FRMD4A: variants seen among roughly 807,000 people sequenced by gnomAD.
FRMD4A encodes FERM domain-containing protein 4A.
Under a neutral mutation model 129.1 loss-of-function variants are expected in FRMD4A, and 29 were observed. That is an observed-to-expected ratio of 0.22 (90% CI 0.17 to 0.31). FRMD4A has a LOEUF of 0.31. FRMD4A is among the 10% of genes least tolerant of loss of function. FRMD4A has a pLI of 1.00. For synonymous variants in FRMD4A, 634 were observed against 571.6 expected, an observed-to-expected ratio of 1.11 and a Z score of -1.56; for missense variants, 1,272 against 1,375.8, an observed-to-expected ratio of 0.92 and a Z score of 1.19.
intron 11 of FRMD4A, among the ~76,000 whole-genome samples, chr10:13,738,926 G>A (rs2090822880): frequency 6.6e-6 from 1 of 152,110 alleles, no homozygotes; most frequent in African/African-American, 2.4e-5. Context: ...TGCCCCCACT[G>A]TTTATTAACA....
At chr10:13,910,888 GAAAAAAAAAAA>G (rs141449954) in intron 2 of FRMD4A, among the ~76,000 whole-genome samples, 244 of 83,026 alleles carry the variant, frequency 2.9e-3, no homozygotes, top group African/African-American at 0.011. Context: ...GGAGTTTCAT[GAAAAAAAAAAA>G]AAAAAAAAAA....
intron 3 of FRMD4A, among the ~76,000 whole-genome samples, chr10:13,819,677 C>A (rs2093599809): frequency 6.7e-6 from 1 of 150,298 alleles, no homozygotes; most frequent in Non-Finnish European, 1.5e-5. Context: ...CTGGTGGGCT[C>A]TAAGTGCCAT....
chr10:14,220,417 G>C (rs1230549703), intron 2 of FRMD4A, among the ~76,000 whole-genome samples: 2 of 152,222 alleles, frequency 1.3e-5, no homozygotes, highest in African/African-American at 4.8e-5. Context: ...AGGTGAGTTT[G>C]ACTTTTAGGG....
intron 19 of FRMD4A, among the ~76,000 whole-genome samples, chr10:13,660,976 A>C (rs1008755896): frequency 1.3e-5 from 2 of 152,140 alleles, no homozygotes; most frequent in Non-Finnish European, 2.9e-5. Flanking sequence ...TGTCTGTTTC[A>C]TCTGCTGCTA....
intron 15 of FRMD4A, chr10:13,684,943 C>CA: frequency 1.0e-6 from 1 of 984,144 alleles, no homozygotes; most frequent in Non-Finnish European, 1.2e-6. Context: ...AAAGTTTTGG[C>CA]AGACATCCCA....
Position 13,880,192 on chromosome 10 carries a change from C to T in FRMD4A, c.46-21280G>A, listed in dbSNP as rs78938261. Among the ~76,000 whole-genome samples, 236 of 152,130 alleles carry T rather than the reference C, an allele frequency of 1.6e-3. 1 individual carries two copies. Among genetic ancestry groups the T allele is most frequent in the African/African-American group, 5.6e-3 (234 of 41,518 alleles). On this transcript the variant is annotated intron_variant, in intron 2 of 24. Transcript: ENST00000357447. ...CCCTTGTTAAACATCCCAAGCTCAGCGAGTCCCAGACGGAATTCCTGATCT... is the reference window on the plus strand; with the variant it reads ...CCCTTGTTAAACATCCCAAGCTCAGTGAGTCCCAGACGGAATTCCTGATCT...
chr10:13,680,738 T>A (rs903914966), intron 15 of FRMD4A, among the ~76,000 whole-genome samples: 2 of 150,882 alleles, frequency 1.3e-5, no homozygotes, highest in Non-Finnish European at 3.0e-5. Context: ...AAAAAAAATT[T>A]AAAAAAAAGT....
chr10:13,887,877 C>T (rs975794119), intron 2 of FRMD4A, among the ~76,000 whole-genome samples: 1 of 152,134 alleles, frequency 6.6e-6, no homozygotes, highest in Non-Finnish European at 1.5e-5. Context: ...CTAAATTATT[C>T]CTTATAAGAG....
chr10:13,918,516 G>A (rs568747388), intron 2 of FRMD4A, among the ~76,000 whole-genome samples: 7 of 151,968 alleles, frequency 4.6e-5, no homozygotes, highest in South Asian at 2.1e-4. Flanking sequence ...TGTCTGTTAC[G>A]AATATCAGTC....
intron 2 of FRMD4A, among the ~76,000 whole-genome samples, chr10:13,996,986 GCAAAA>G (rs55648919): frequency 0.071 from 10,679 of 149,546 alleles, 430 homozygotes; most frequent in African/African-American, 0.081. Context: ...AAAAATTGAG[GCAAAA>G]CAAAACAAAA....
chr10:13,817,516 G>A (rs1413708777), intron 3 of FRMD4A, among the ~76,000 whole-genome samples: 1 of 152,238 alleles, frequency 6.6e-6, no homozygotes, highest in Non-Finnish European at 1.5e-5. Context: ...ACCTTGAATT[G>A]TAATAATCCC....
At chr10:14,193,473 C>CA (rs202198706) in intron 2 of FRMD4A, among the ~76,000 whole-genome samples, 4,702 of 140,068 alleles carry the variant, frequency 0.034, 155 homozygotes, top group East Asian at 0.12. Flanking sequence ...CACCCACCCA[C>CA]CCACACACAC....
Position 13,996,986 on chromosome 10 carries a change from G to GCAAAACAAAACAAAA in FRMD4A, c.46-138089_46-138075dup, listed in dbSNP as rs55648919. The stretch of plus-strand genomic sequence containing the variant: ...CATCAAGCCATTGAAAAAAATTGAG[G>GCAAAACAAAACAAAA]CAAAACAAAACAAAACAAAACAAAA... On this transcript the variant is annotated intron_variant, in intron 2 of 24. Coordinates refer to ENST00000357447, the MANE Select transcript of FRMD4A (RefSeq NM_018027.5). Among the ~76,000 whole-genome samples, 406 of 149,632 alleles carry GCAAAACAAAACAAAA rather than the reference G, an allele frequency of 2.7e-3. 1 individual carries two copies. Among genetic ancestry groups the GCAAAACAAAACAAAA allele is most frequent in the Non-Finnish European group, 3.7e-3 (248 of 67,428 alleles).
chr10:14,072,577 T>G (rs1049718429), intron 2 of FRMD4A, among the ~76,000 whole-genome samples: 2 of 152,216 alleles, frequency 1.3e-5, no homozygotes, highest in Non-Finnish European at 2.9e-5. Flanking sequence ...AGAACTGTGA[T>G]GCATGCTCTC....
chr10:13,922,826 A>G (rs1416226885), intron 2 of FRMD4A, among the ~76,000 whole-genome samples: 2 of 152,136 alleles, frequency 1.3e-5, no homozygotes, highest in Admixed American at 6.5e-5. Flanking sequence ...TGTGACAGAA[A>G]TGTTGACTAT....
chr10:14,078,734 A>C (rs939813230), intron 2 of FRMD4A, among the ~76,000 whole-genome samples: 1 of 152,238 alleles, frequency 6.6e-6, no homozygotes, highest in Admixed American at 6.5e-5. Flanking sequence ...CCTGAAGTCC[A>C]GAAATGGCAA....
chr10:14,012,066 A>G (rs1339133687), intron 2 of FRMD4A, among the ~76,000 whole-genome samples: 1 of 151,904 alleles, frequency 6.6e-6, no homozygotes, highest in Non-Finnish European at 1.5e-5. Flanking sequence ...GAACAATATT[A>G]CATAGAAAGA....
intron 2 of FRMD4A, among the ~76,000 whole-genome samples, chr10:14,298,264 C>T (rs545994913): frequency 2.4e-4 from 37 of 152,302 alleles, no homozygotes; most frequent in African/African-American, 8.2e-4. Flanking sequence ...GGTAAATATA[C>T]ACCAGTACAC....
At chr10:14,117,556 A>T (rs1157114373) in intron 2 of FRMD4A, among the ~76,000 whole-genome samples, 1 of 152,222 alleles carries the variant, frequency 6.6e-6, no homozygotes, top group Non-Finnish European at 1.5e-5. Context: ...TTCCCAAAGC[A>T]TCAGACAATG....
Sources: gnomAD v4.1 joint callset for allele counts (sites outside exome capture counted in the v4.1 genomes callset) on GRCh38, gnomAD v4.1.1 for gene constraint, MANE v1.5 for transcripts, NCBI Gene and HGNC (gene_info 2026-07-23, HGNC 2026-07-21) for gene names.